The following TENM4 variants were observed in gnomAD, a reference collection of about 807,000 sequenced individuals.
TENM4 encodes teneurin-4.
A neutral mutation model predicts 243.3 loss-of-function variants in TENM4; 82 were observed. The ratio of observed to expected loss-of-function variants is 0.34; its 90% CI spans 0.28 to 0.40. TENM4 has a LOEUF of 0.40. TENM4 is among the 10% of genes least tolerant of loss of function. The pLI is 1.00. For missense variants in TENM4, 3,138 were observed against 3,673.3 expected, an observed-to-expected ratio of 0.85 and a Z score of 3.77; for synonymous variants, 1,412 against 1,456.3, an observed-to-expected ratio of 0.97 and a Z score of 0.69.
intron 6 of TENM4, among the ~76,000 whole-genome samples, chr11:79,059,896 C>G (rs1370312117): frequency 6.6e-6 from 1 of 152,216 alleles, no homozygotes; most frequent in Non-Finnish European, 1.5e-5. Context: ...ACATTGGACT[C>G]TGAAACTAGC....
intron 1 of TENM4, among the ~76,000 whole-genome samples, chr11:79,385,302 G>A (rs1858089159): frequency 6.6e-6 from 1 of 152,182 alleles, no homozygotes; most frequent in South Asian, 2.1e-4. Flanking sequence ...AGCCAAGATT[G>A]AGAACCACTA....
chr11:78,926,603 C>T (rs971063495), intron 6 of TENM4, among the ~76,000 whole-genome samples: 2 of 151,420 alleles, frequency 1.3e-5, no homozygotes, highest in Non-Finnish European at 2.9e-5. Flanking sequence ...AAACCTTTTA[C>T]TAAAATGTAA....
chr11:79,020,096 A>AGTG (rs1858887417), intron 6 of TENM4, among the ~76,000 whole-genome samples: 1 of 152,186 alleles, frequency 6.6e-6, no homozygotes, highest in South Asian at 2.1e-4. Flanking sequence ...TTCTTTGTTA[A>AGTG]ATAGAACAGA....
chr11:78,875,346 T>C (rs921663785), intron 9 of TENM4, among the ~76,000 whole-genome samples: 5 of 152,154 alleles, frequency 3.3e-5, no homozygotes, highest in African/African-American at 9.7e-5. Context: ...TGAGATTACA[T>C]GCGTGCACCA....
chr11:78,757,359 G>C (rs1009620925), intron 18 of TENM4, among the ~76,000 whole-genome samples: 1 of 152,264 alleles, frequency 6.6e-6, no homozygotes, highest in African/African-American at 2.4e-5. Flanking sequence ...CTGATGGCCA[G>C]AAGGTGAGTG....
At chr11:78,943,382 G>A (rs368159858) in intron 6 of TENM4, among the ~76,000 whole-genome samples, 173 of 152,344 alleles carry the variant, frequency 1.1e-3, no homozygotes, top group South Asian at 6.0e-3. Context: ...AGGGGTGGGC[G>A]TCAGTGTGAG....
At chr11:79,430,675 T>C (rs1859148547) in intron 1 of TENM4, among the ~76,000 whole-genome samples, 3 of 152,318 alleles carry the variant, frequency 2.0e-5, no homozygotes, top group Non-Finnish European at 4.4e-5. Flanking sequence ...TTCTATTGCT[T>C]CCCTCTTTAT....
intron 1 of TENM4, among the ~76,000 whole-genome samples, chr11:79,358,230 C>A (rs1280486945): frequency 6.6e-6 from 1 of 152,190 alleles, no homozygotes; most frequent in Non-Finnish European, 1.5e-5. Flanking sequence ...CTTCCCCAAA[C>A]ATAGGATTGA....
chr11:79,096,054 G>A (rs1861068397), intron 4 of TENM4: 1 of 152,232 alleles, frequency 6.6e-6, no homozygotes, highest in Non-Finnish European at 1.5e-5. Context: ...GAAGTTACAA[G>A]TGTGGATACT....
chr11:79,395,088 T>C (rs1771159597), intron 1 of TENM4, among the ~76,000 whole-genome samples: 1 of 152,246 alleles, frequency 6.6e-6, no homozygotes, highest in Admixed American at 6.5e-5. Context: ...TACTTTGCAA[T>C]GGCAGCTGTA....
At chr11:79,012,166 C>A (rs1295540365) in intron 6 of TENM4, among the ~76,000 whole-genome samples, 1 of 152,156 alleles carries the variant, frequency 6.6e-6, no homozygotes, top group African/African-American at 2.4e-5. Flanking sequence ...TTGATCAGCA[C>A]AATTTCCAGA....
intron 6 of TENM4, among the ~76,000 whole-genome samples, chr11:78,929,199 C>T (rs1856618074): frequency 6.6e-6 from 1 of 152,202 alleles, no homozygotes; most frequent in Non-Finnish European, 1.5e-5. Flanking sequence ...ATCACCTTGC[C>T]TTCTGCTAGG....
At chr11:79,192,153 G>A in intron 3 of TENM4, among the ~76,000 whole-genome samples, 1 of 150,632 alleles carries the variant, frequency 6.6e-6, no homozygotes, top group Non-Finnish European at 1.5e-5. Context: ...GGGGGGGTCA[G>A]CCCCCTGCCC....
At position 79,143,279 on chromosome 11, in the gene TENM4, AT is replaced by A. The variant is rs796397228; in HGVS notation, c.-66+5430del. On this transcript the variant is annotated intron_variant, in intron 4 of 33. Coordinates refer to ENST00000278550, the MANE Select transcript of TENM4 (RefSeq NM_001098816.3). ...TAGCAAAGACTTGGAACCAACCCAAATGCCCATCAATGATAGACTGGATTAA... is the reference window on the plus strand; with the variant it reads ...TAGCAAAGACTTGGAACCAACCCAAAGCCCATCAATGATAGACTGGATTAA... Among the ~76,000 whole-genome samples, 103 of 152,264 alleles carry A rather than the reference AT, an allele frequency of 6.8e-4. 1 individual carries two copies. The highest frequency in any genetic ancestry group is 2.3e-3 in the African/African-American group (95 of 41,540).
At chr11:78,776,676 A>G (rs1396369411) in intron 17 of TENM4, among the ~76,000 whole-genome samples, 1 of 152,214 alleles carries the variant, frequency 6.6e-6, no homozygotes, top group African/African-American at 2.4e-5. Flanking sequence ...GGCTTGGGTC[A>G]GACCTTGATT....
chr11:78,913,417 G>A (rs548434920), intron 6 of TENM4, among the ~76,000 whole-genome samples: 1 of 152,298 alleles, frequency 6.6e-6, no homozygotes, highest in South Asian at 2.1e-4. Flanking sequence ...ACTTAAAGCT[G>A]TGTCTACCTC....
At chr11:79,165,375 G>C (rs1277144726) in intron 3 of TENM4, among the ~76,000 whole-genome samples, 1 of 152,056 alleles carries the variant, frequency 6.6e-6, no homozygotes, top group Non-Finnish European at 1.5e-5. Context: ...GTTTTGATTT[G>C]CATTTCCCTG....
rs532407807 is a variant in TENM4 at position 78,863,432 on chromosome 11, A to G, written c.1085-300T>C. On this transcript the variant is annotated intron_variant, in intron 9 of 33. Coordinates refer to ENST00000278550, the MANE Select transcript of TENM4 (RefSeq NM_001098816.3). ...CGAAAGATAAATAACAATCTGGGGGAAAAACTGCAATTGGTATGACAATGT... is the reference window on the plus strand; with the variant it reads ...CGAAAGATAAATAACAATCTGGGGGGAAAACTGCAATTGGTATGACAATGT... Among the ~76,000 whole-genome samples the G allele has an allele frequency of 6.6e-5, 10 of 152,318 alleles. No homozygotes were observed. In the South Asian group the frequency reaches 2.1e-3, roughly 32 times the overall value.
At chr11:78,736,683 G>T (rs748112778) in intron 20 of TENM4, among the ~76,000 whole-genome samples, 1 of 152,096 alleles carries the variant, frequency 6.6e-6, no homozygotes, top group African/African-American at 2.4e-5. Flanking sequence ...GGGTGGGAGG[G>T]CAGTGATACC....
Sources: allele counts gnomAD v4.1 joint callset (sites outside exome capture counted in the v4.1 genomes callset), GRCh38; gene constraint gnomAD v4.1.1; transcripts MANE v1.5; gene names NCBI Gene and HGNC (gene_info 2026-07-23, HGNC 2026-07-21).